Variants in SEMA3A observed in about 807,000 individuals in gnomAD.
The protein encoded by SEMA3A is semaphorin-3A.
A neutral mutation model predicts 97.9 loss-of-function variants in SEMA3A; 29 were observed. The observed-to-expected ratio is 0.30, with a 90% CI of 0.22 to 0.40. SEMA3A has a LOEUF of 0.40. SEMA3A is among the 10% of genes least tolerant of loss of function. The pLI, the probability that SEMA3A is intolerant of heterozygous loss-of-function variation, is 1.00. For synonymous variants in SEMA3A, 321 were observed against 323.7 expected, an observed-to-expected ratio of 0.99 and a Z score of 0.09; for missense variants, 763 against 951.3, an observed-to-expected ratio of 0.80 and a Z score of 2.60.
chr7:84,316,092 T>C (rs1466325838), intron 2 of SEMA3A, among the ~76,000 whole-genome samples: 1 of 134,916 alleles, frequency 7.4e-6, no homozygotes, highest in Non-Finnish European at 1.5e-5. Context: ...AGAAGTTCAC[T>C]TGAAGGCCTG....
chr7:84,229,979 C>T (rs908124374), intron 3 of SEMA3A, among the ~76,000 whole-genome samples: 1 of 149,752 alleles, frequency 6.7e-6, no homozygotes, highest in African/African-American at 2.4e-5. Flanking sequence ...TCTGATCTTA[C>T]CCCCCCTTTA....
At chr7:84,390,934 G>A (rs190707388) in intron 1 of SEMA3A, among the ~76,000 whole-genome samples, 3 of 152,262 alleles carry the variant, frequency 2.0e-5, no homozygotes, top group East Asian at 1.9e-4. Context: ...AGTTAGACCC[G>A]AAATGGTCAG....
intron 1 of SEMA3A, among the ~76,000 whole-genome samples, chr7:84,435,199 T>C (rs1489251602): frequency 2.0e-5 from 3 of 151,802 alleles, no homozygotes; most frequent in East Asian, 3.9e-4. Flanking sequence ...AGCATTTTTA[T>C]ACACCAATAA....
At chr7:84,227,938 G>A (rs371926582) in intron 3 of SEMA3A, among the ~76,000 whole-genome samples, 5 of 151,634 alleles carry the variant, frequency 3.3e-5, no homozygotes, top group Non-Finnish European at 7.4e-5. Flanking sequence ...AGTGGGGGGC[G>A]GGGGCAGGTA....
chr7:84,012,811 T>C (rs903058206), intron 7 of SEMA3A, among the ~76,000 whole-genome samples: 1 of 152,184 alleles, frequency 6.6e-6, no homozygotes, highest in African/African-American at 2.4e-5. Context: ...TTTTCACAAA[T>C]GATATTTATG....
At chr7:84,085,919 T>C (rs1035037760) in intron 4 of SEMA3A, among the ~76,000 whole-genome samples, 3 of 152,148 alleles carry the variant, frequency 2.0e-5, no homozygotes, top group African/African-American at 7.2e-5. Context: ...TTAAATATAT[T>C]GTCAACCCAG....
intron 6 of SEMA3A, among the ~76,000 whole-genome samples, chr7:84,032,193 T>C (rs1346425890): frequency 6.6e-6 from 1 of 152,178 alleles, no homozygotes; most frequent in African/African-American, 2.4e-5. Context: ...TGCCCCTGAT[T>C]AGTCCCTAGG....
chr7:83,977,069 A>C, intron 15 of SEMA3A, 63 bp downstream of exon 15: 1 of 879,056 alleles, frequency 1.1e-6, no homozygotes, highest in Non-Finnish European at 1.7e-6. Flanking sequence ...CATATGCATG[A>C]ATATGCATTA....
intron 1 of SEMA3A, among the ~76,000 whole-genome samples, chr7:84,424,531 A>T (rs6974701): frequency 1.9e-4 from 12 of 63,702 alleles, no homozygotes; most frequent in South Asian, 3.7e-4. Flanking sequence ...TGTTATATAT[A>T]ATATATAAAT....
rs781108685 is a variant in SEMA3A at position 84,020,035 on chromosome 7, C to CTTTTTTTTTTTTTTTTTT, written c.668-5702_668-5685dup. 8.6e-5 allele frequency among the ~76,000 whole-genome samples: 5 copies of CTTTTTTTTTTTTTTTTTT among 58,250 alleles called. 2 individuals are homozygous for CTTTTTTTTTTTTTTTTTT. The highest frequency in any genetic ancestry group is 1.6e-4 in the Non-Finnish European group (5 of 32,208). The allele number at this position is 58,250 out of a possible 152,430, so 38.2% of individuals were successfully genotyped here. A position where few individuals can be genotyped will look rare whatever the true frequency, so the allele number is the denominator to read the frequency against. On this transcript the variant is annotated intron_variant, in intron 6 of 16. Transcript: ENST00000265362. Reference sequence around the variant, plus strand: ...AATATTGTTAATGATTTTTTTCTTTCTTTTTTTTTTTTTTTTTTTTTTTTT... The same window carrying CTTTTTTTTTTTTTTTTTT: ...AATATTGTTAATGATTTTTTTCTTTCTTTTTTTTTTTTTTTTTTTTTTTTTTTTTTTTTTTTTTTTTTT...
At chr7:84,391,147 C>T (rs1310004901) in intron 1 of SEMA3A, among the ~76,000 whole-genome samples, 2 of 152,162 alleles carry the variant, frequency 1.3e-5, no homozygotes, top group Admixed American at 6.5e-5. Flanking sequence ...ATTCAAGTGA[C>T]GTGAACTCCT....
intron 3 of SEMA3A, among the ~76,000 whole-genome samples, chr7:84,281,198 C>T (rs1281778672): frequency 2.0e-5 from 3 of 152,092 alleles, no homozygotes; most frequent in African/African-American, 4.8e-5. Context: ...CTAGGATAAC[C>T]CATTTCTGAT....
rs549642938 is a variant in SEMA3A, at chr7:84,385,839, A to C, written c.-245-13939T>G. 6.7e-4 allele frequency among the ~76,000 whole-genome samples: 102 copies of C among 152,302 alleles called. 1 individual carries two copies. The highest frequency in any genetic ancestry group is 1.5e-3 in the South Asian group (7 of 4,826). On this transcript the variant is annotated intron_variant, in intron 1 of 3. Coordinates refer to the SEMA3A transcript ENST00000424555. The stretch of plus-strand genomic sequence containing the variant: ...ACTATAAAACAATTATTTTTCCAAC[A>C]CTGAAAAGCTCTGCATTGGACTTTT...
At chr7:84,059,046 T>A (rs574982806) in intron 5 of SEMA3A, among the ~76,000 whole-genome samples, 16 of 152,304 alleles carry the variant, frequency 1.1e-4, no homozygotes, top group African/African-American at 3.6e-4. Context: ...TACTGCTTTT[T>A]AAGGAATACC....
intron 3 of SEMA3A, among the ~76,000 whole-genome samples, chr7:84,277,609 T>C (rs774801344): frequency 4.2e-4 from 64 of 152,120 alleles, no homozygotes; most frequent in Non-Finnish European, 7.8e-4. Flanking sequence ...AAGAAATACC[T>C]GAGACAGGGC....
At chr7:84,128,750 T>G (rs1329874719) in intron 3 of SEMA3A, among the ~76,000 whole-genome samples, 1 of 152,102 alleles carries the variant, frequency 6.6e-6, no homozygotes, top group African/African-American at 2.4e-5. Context: ...TAATTCAAAA[T>G]CCTGAAATCT....
At chr7:84,261,705 T>C (rs1442106533) in intron 3 of SEMA3A, among the ~76,000 whole-genome samples, 1 of 152,224 alleles carries the variant, frequency 6.6e-6, no homozygotes. Context: ...CACTCACTCA[T>C]GCACACCTTG....
At chr7:84,468,105 C>T (rs1381206843) in intron 1 of SEMA3A, among the ~76,000 whole-genome samples, 1 of 152,280 alleles carries the variant, frequency 6.6e-6, no homozygotes, top group East Asian at 1.9e-4. Flanking sequence ...CCAACGAACT[C>T]ATTGAAGAGT....
At chr7:84,292,322 G>C (rs1036125637) in intron 3 of SEMA3A, among the ~76,000 whole-genome samples, 2 of 151,708 alleles carry the variant, frequency 1.3e-5, no homozygotes, top group African/African-American at 4.8e-5. Context: ...ACTTACTATG[G>C]CACATGGTTT....
Sources: allele counts gnomAD v4.1 joint callset (sites outside exome capture counted in the v4.1 genomes callset), GRCh38; gene constraint gnomAD v4.1.1; transcripts MANE v1.5; gene names NCBI Gene and HGNC (gene_info 2026-07-23, HGNC 2026-07-21).